Variants in SLC35F1 observed in about 807,000 individuals in gnomAD.
SLC35F1 encodes the protein chromosome 6 open reading frame 169.
In SLC35F1, 14 loss-of-function variants were observed where a neutral mutation model predicts 48.7. The ratio of observed to expected loss-of-function variants is 0.29; its 90% CI spans 0.19 to 0.45. SLC35F1 has a LOEUF of 0.45. SLC35F1 is among the 20% of genes least tolerant of loss of function. The pLI is 1.00. For synonymous variants in SLC35F1, 190 were observed against 202.2 expected (o/e 0.94, Z 0.51); for missense variants, 404 against 500.0 (o/e 0.81, Z 1.83).
chr6:118,001,562 A>G (rs1360859696), intron 1 of SLC35F1, among the ~76,000 whole-genome samples: 1 of 152,156 alleles, frequency 6.6e-6, no homozygotes, highest in Non-Finnish European at 1.5e-5. Context: ...TGTCTAAAAC[A>G]CCAAAAGCAA....
At position 118,317,094 on chromosome 6, in the gene SLC35F1, C is replaced by T. The variant is rs1776447188; in HGVS notation, c.*2842C>T. On this transcript the variant is annotated 3_prime_UTR_variant, in exon 8 of 8. Coordinates refer to ENST00000360388, the MANE Select transcript of SLC35F1 (RefSeq NM_001029858.4). The stretch of plus-strand genomic sequence containing the variant: ...GTTTCTAACTCCACCACCAATCTCT[C>T]CTCAATGAATAAGACTTTAGCAATT... 6.6e-6 allele frequency: 1 copy of T among 152,626 alleles called. No homozygotes were observed. Among genetic ancestry groups the T allele is most frequent in the South Asian group, 2.1e-4 (1 of 4,830 alleles). The allele number at this position is 152,626 out of a possible 1,614,324, so 9.5% of individuals were successfully genotyped here.
chr6:118,088,716 G>T (rs1472891502), intron 1 of SLC35F1, among the ~76,000 whole-genome samples: 1 of 152,178 alleles, frequency 6.6e-6, no homozygotes, highest in East Asian at 1.9e-4. Flanking sequence ...ATTAAACAAG[G>T]GCATTCAGCC....
intron 1 of SLC35F1, among the ~76,000 whole-genome samples, chr6:118,031,054 C>T (rs183812740): frequency 6.6e-6 from 1 of 152,072 alleles, no homozygotes; most frequent in African/African-American, 2.4e-5. Context: ...ACAGGCACAG[C>T]CTCCCTCACT....
intron 1 of SLC35F1, among the ~76,000 whole-genome samples, chr6:118,136,531 T>C (rs1773799793): frequency 1.3e-5 from 2 of 152,230 alleles, no homozygotes; most frequent in South Asian, 4.1e-4. Context: ...TGAAGGAATT[T>C]TAATACTAGT....
chr6:118,005,369 T>G (rs1198841680), intron 1 of SLC35F1, among the ~76,000 whole-genome samples: 1 of 152,192 alleles, frequency 6.6e-6, no homozygotes, highest in African/African-American at 2.4e-5. Context: ...AAACCACTGT[T>G]CTCCCAGTCA....
chr6:118,168,440 T>A (rs144619415), intron 2 of SLC35F1, among the ~76,000 whole-genome samples: 1 of 152,238 alleles, frequency 6.6e-6, no homozygotes, highest in African/African-American at 2.4e-5. Context: ...GTAACAAAAA[T>A]AACATAATAA....
chr6:118,099,346 T>C (rs972661356), intron 1 of SLC35F1, among the ~76,000 whole-genome samples: 2 of 152,200 alleles, frequency 1.3e-5, no homozygotes, highest in African/African-American at 2.4e-5. Context: ...TGGGAAACCT[T>C]ATTTTGAAAA....
chr6:118,169,919 G>A (rs544171209), intron 2 of SLC35F1, among the ~76,000 whole-genome samples: 1 of 152,260 alleles, frequency 6.6e-6, no homozygotes, highest in South Asian at 2.1e-4. Flanking sequence ...TTAGCAACTA[G>A]GATGTTGCTA....
intron 1 of SLC35F1, among the ~76,000 whole-genome samples, chr6:117,990,880 C>T (rs1024890944): frequency 5.9e-5 from 9 of 152,168 alleles, no homozygotes; most frequent in African/African-American, 1.2e-4. Flanking sequence ...CACCAGTCTG[C>T]GGCTGGTTCT....
intron 3 of SLC35F1, among the ~76,000 whole-genome samples, chr6:118,266,698 G>A (rs923249651): frequency 1.3e-5 from 2 of 152,158 alleles, no homozygotes; most frequent in Non-Finnish European, 2.9e-5. Context: ...AAGACAGGAG[G>A]CAGAGCTGCC....
intron 1 of SLC35F1, among the ~76,000 whole-genome samples, chr6:117,981,645 G>A (rs1447937225): frequency 3.9e-5 from 6 of 152,106 alleles, no homozygotes; most frequent in Admixed American, 3.3e-4. Flanking sequence ...TACGTGGGAC[G>A]GCAAGCAGTC....
At chr6:118,118,160 GT>G (rs1773498917) in intron 1 of SLC35F1, among the ~76,000 whole-genome samples, 1 of 152,076 alleles carries the variant, frequency 6.6e-6, no homozygotes, top group Non-Finnish European at 1.5e-5. Context: ...TTTCCTAAGT[GT>G]CAATACCATC....
intron 2 of SLC35F1, among the ~76,000 whole-genome samples, chr6:118,207,704 AGC>A (rs1417172363): frequency 3.3e-5 from 5 of 152,302 alleles, no homozygotes; most frequent in African/African-American, 1.2e-4. Context: ...GTTTCTCCAA[AGC>A]TGAGACCTCG....
intron 1 of SLC35F1, among the ~76,000 whole-genome samples, chr6:117,918,649 G>C (rs1775857403): frequency 6.6e-6 from 1 of 152,182 alleles, no homozygotes; most frequent in African/African-American, 2.4e-5. Context: ...AGTGTTATGT[G>C]TAAAGTTGAC....
intron 1 of SLC35F1, among the ~76,000 whole-genome samples, chr6:118,040,584 G>A (rs959171123): frequency 2.6e-5 from 4 of 152,118 alleles, no homozygotes; most frequent in African/African-American, 7.2e-5. Context: ...GTGGGAGACA[G>A]TGTTTCCATA....
intron 1 of SLC35F1, among the ~76,000 whole-genome samples, chr6:117,972,108 C>T (rs1776650008): frequency 2.6e-5 from 4 of 152,192 alleles, no homozygotes; most frequent in Admixed American, 2.6e-4. Context: ...ATTTCTTCTG[C>T]CAGATACTTT....
intron 1 of SLC35F1, among the ~76,000 whole-genome samples, chr6:118,073,433 TGGA>T (rs1202012902): frequency 6.6e-6 from 1 of 152,202 alleles, no homozygotes; most frequent in African/African-American, 2.4e-5. Flanking sequence ...GGCAATGAAA[TGGA>T]ATAATACTTG....
intron 1 of SLC35F1, among the ~76,000 whole-genome samples, chr6:117,927,394 C>A (rs1385779046): frequency 6.6e-6 from 1 of 152,102 alleles, no homozygotes; most frequent in Non-Finnish European, 1.5e-5. Flanking sequence ...TTCTAATAAT[C>A]TTTGATCCTG....
chr6:117,998,956 C>G (rs9555), intron 1 of SLC35F1: 8 of 926,868 alleles, frequency 8.6e-6, no homozygotes, highest in Non-Finnish European at 1.4e-5. Flanking sequence ...CTTCGGGAGC[C>G]GCGGCTTATG....
Sources: gnomAD v4.1 joint callset for allele counts (sites outside exome capture counted in the v4.1 genomes callset) on GRCh38, gnomAD v4.1.1 for gene constraint, MANE v1.5 for transcripts, NCBI Gene and HGNC (gene_info 2026-07-23, HGNC 2026-07-21) for gene names.